The following PLB1 variants were observed in gnomAD, a reference collection of about 807,000 sequenced individuals.
PLB1 encodes phospholipase B1, membrane-associated.
In PLB1, 242 loss-of-function variants were observed where a neutral mutation model predicts 227.4. That is an observed-to-expected ratio of 1.06 (90% CI 0.96 to 1.18). PLB1 has a LOEUF of 1.18. Among genes scored for constraint, PLB1 ranks in the 50% most tolerant of loss-of-function variants. PLB1 has a pLI of 0.00. For missense variants in PLB1, 1,858 were observed against 1,816.3 expected (o/e 1.02, Z -0.42); for synonymous variants, 757 against 682.2 (o/e 1.11, Z -1.71).
chr2:28,605,794 C>G, intron 41 of PLB1, 59 bp from the exon 42 acceptor site: 1 of 1,426,904 alleles, frequency 7.0e-7, no homozygotes, highest in Non-Finnish European at 9.8e-7. Context: ...GCCAAGTCCG[C>G]TGGTGGTGGC....
In PLB1 at chr2:28,519,740, G is replaced by A. The variant is rs762327769; in HGVS notation, c.220G>A (p.Ala74Thr). Reference protein sequence around the residue: ...SLKPSDIKFVAAIGNLEIPPD... With the variant: ...SLKPSDIKFVTAIGNLEIPPD... ...GAAGCCTTCTGATATTAAATTTGTGGCAGCCATTGGCAATCTGGAAATTGT... is the reference window on the plus strand; with the variant it reads ...GAAGCCTTCTGATATTAAATTTGTGACAGCCATTGGCAATCTGGAAATTGT... The change falls in exon 4 of 58, where the codon GCA becomes ACA. Residue 74 changes from alanine to threonine, a missense_variant. Physicochemically the swap from Ala to Thr is moderately conservative, Grantham distance 58. Transcript: ENST00000327757. The A allele has an allele frequency of 1.2e-6, 2 of 1,611,934 alleles. No individual in the cohort carries two copies. The highest frequency in any genetic ancestry group is 1.1e-5 in the South Asian group (1 of 91,034).
At chr2:28,498,435 A>AT (rs1417333947) in intron 1 of PLB1, among the ~76,000 whole-genome samples, 1 of 152,040 alleles carries the variant, frequency 6.6e-6, no homozygotes, top group Non-Finnish European at 1.5e-5. Flanking sequence ...TAATTTTAGT[A>AT]TTTTTTGTAG....
chr2:28,552,466 T>A (rs769006001), intron 16 of PLB1, among the ~76,000 whole-genome samples: 26 of 152,256 alleles, frequency 1.7e-4, no homozygotes, highest in Non-Finnish European at 3.2e-4. Flanking sequence ...TAACAAATAC[T>A]TGTTGAGCAT....
intron 1 of PLB1, among the ~76,000 whole-genome samples, chr2:28,497,434 A>G (rs1338963682): frequency 2.0e-5 from 3 of 152,178 alleles, no homozygotes; most frequent in East Asian, 1.9e-4. Context: ...AAAAAGGGAA[A>G]TCTTCAGATC....
chr2:28,600,972 T>A, intron 36 of PLB1, 112 bp downstream of exon 36: 1 of 1,000,290 alleles, frequency 1.0e-6, no homozygotes, highest in Non-Finnish European at 1.5e-6. Flanking sequence ...ATTAGAGGCA[T>A]TCAAGCAGTG....
rs1553439706 is a variant in PLB1 at position 28,581,979 on chromosome 2, AAG to A, written c.1567-87_1567-86del. ...CTATCTCAAAAAAAGAAAAAAAAAA[AAG>A]AAGGGGACCCAAGAGAGAAAGTAGC... On this transcript the variant is annotated intron_variant, in intron 23 of 57. Coordinates refer to ENST00000327757, the MANE Select transcript of PLB1 (RefSeq NM_153021.5). 87 of 1,309,124 alleles carry A rather than the reference AAG, an allele frequency of 6.6e-5. No individual in the cohort carries two copies. The African/African-American group carries it at 7.1e-4, about 11-fold the overall frequency. The allele number at this position is 1,309,124 out of a possible 1,614,324, so 81.1% of individuals were successfully genotyped here.
rs1426879676 is a variant in PLB1 at position 28,579,648 on chromosome 2, T to C, written c.1507T>C (p.Trp503Arg). 1.2e-6 allele frequency: 2 copies of C among 1,612,980 alleles called. No homozygotes were observed. Among genetic ancestry groups the C allele is most frequent in the Non-Finnish European group, 8.5e-7 (1 of 1,179,030 alleles). ...NDTRIHFQED[W>R]KIITLFIGGN... Reference sequence around the variant, plus strand: ...TCAGAGGATACACTTTCAGGAAGACTGGAAGATAATAACCCTGTTTATAGG... The same window carrying C: ...TCAGAGGATACACTTTCAGGAAGACCGGAAGATAATAACCCTGTTTATAGG... Residue 503 changes from tryptophan (W) to arginine (R), a missense_variant, in exon 23 of 58, where the codon TGG (tryptophan) becomes CGG (arginine). By Grantham distance (101) the Trp-to-Arg change is moderately radical. Transcript: ENST00000327757.
At position 28,641,453 on chromosome 2, in the gene PLB1, C is replaced by T. The variant is rs571340470; in HGVS notation, c.4173+452C>T. On this transcript the variant is annotated intron_variant, in intron 57 of 57. Coordinates refer to ENST00000327757, the MANE Select transcript of PLB1 (RefSeq NM_153021.5). ...TGAAACCCCGTCTCTAGTAAAAATC[C>T]AAAAGTCAGCCGGGCATGGTGGCGG... Among the ~76,000 whole-genome samples, 5 of 152,242 alleles carry T rather than the reference C, an allele frequency of 3.3e-5. No individual in the cohort carries two copies. The East Asian group carries it at 5.8e-4, about 18-fold the overall frequency.
At chr2:28,625,131 C>T in intron 50 of PLB1, 23 bp downstream of exon 50, 1 of 1,606,458 alleles carries the variant, frequency 6.2e-7, no homozygotes, top group Non-Finnish European at 8.5e-7. Context: ...CCCCAGGCCA[C>T]CCCTGAAAGG....
intron 9 of PLB1, among the ~76,000 whole-genome samples, chr2:28,537,395 T>A (rs1336305520): frequency 1.3e-5 from 2 of 151,940 alleles, no homozygotes; most frequent in African/African-American, 4.8e-5. Context: ...TTTTTCACAT[T>A]GAAAAGGTAA....
At chr2:28,515,564 C>T (rs1295217400) in intron 1 of PLB1, among the ~76,000 whole-genome samples, 1 of 152,176 alleles carries the variant, frequency 6.6e-6, no homozygotes, top group African/African-American at 2.4e-5. Flanking sequence ...AAATCAGTGC[C>T]TGATCTCACA....
At chr2:28,548,662 G>A in intron 14 of PLB1, 198 bp from the exon 15 acceptor site, 1 of 644,004 alleles carries the variant, frequency 1.6e-6, no homozygotes, top group Non-Finnish European at 2.9e-6. Flanking sequence ...GAATCGCCTG[G>A]AGAGCTGCTT....
rs781324840 is a variant in PLB1 at position 28,620,871 on chromosome 2, C to T, written c.3428-8C>T. ...CTGTGCTCTTCTCCTCCTCCTCCTC[C>T]TCTAAAGACATTCTGAAGAAGTTCA... is the stretch of plus-strand genomic sequence containing the variant. On this transcript the variant is annotated splice_region_variant and splice_polypyrimidine_tract_variant and intron_variant, in intron 48 of 57. Coordinates refer to ENST00000327757, the MANE Select transcript of PLB1 (RefSeq NM_153021.5). 1.7e-5 allele frequency: 27 copies of T among 1,611,320 alleles called. No homozygotes were observed. Among genetic ancestry groups the T allele is most frequent in the Non-Finnish European group, 2.1e-5 (25 of 1,177,594 alleles).
At chr2:28,518,928 C>T (rs1572706782) in intron 3 of PLB1, among the ~76,000 whole-genome samples, 1 of 152,264 alleles carries the variant, frequency 6.6e-6, no homozygotes, top group East Asian at 1.9e-4. Flanking sequence ...CTGACTTTAT[C>T]ATATTGAGAG....
Position 28,630,171 on chromosome 2 carries a change from G to A in PLB1, c.3819-415G>A, listed in dbSNP as rs187306282. On this transcript the variant is annotated intron_variant, in intron 53 of 57. Transcript: ENST00000327757. ...AAGAGCTGAGAGGCCCCCGGAACTT[G>A]AGGAGCGATTCCAAACCCAGGGACA... is the stretch of plus-strand genomic sequence containing the variant. 3.3e-3 allele frequency among the ~76,000 whole-genome samples: 500 copies of A among 152,266 alleles called. 3 individuals carry two copies. The highest frequency in any genetic ancestry group is 0.011 in the African/African-American group (466 of 41,528).
At chr2:28,524,950 C>T (rs1670034365) in intron 4 of PLB1, among the ~76,000 whole-genome samples, 1 of 150,062 alleles carries the variant, frequency 6.7e-6, no homozygotes, top group Non-Finnish European at 1.5e-5. Context: ...TGGGTTCAAG[C>T]GATTCTCCTG....
At chr2:28,520,347 G>A (rs1423394364) in intron 4 of PLB1, among the ~76,000 whole-genome samples, 1 of 151,824 alleles carries the variant, frequency 6.6e-6, no homozygotes, top group African/African-American at 2.4e-5. Flanking sequence ...AGATCACACA[G>A]AATTTTAAAA....
chr2:28,533,807 G>A (rs577382680), intron 9 of PLB1, among the ~76,000 whole-genome samples: 2 of 152,106 alleles, frequency 1.3e-5, no homozygotes, highest in Non-Finnish European at 2.9e-5. Flanking sequence ...ATTCTTGCAT[G>A]CTTTCATGTA....
intron 53 of PLB1, 86 bp from the exon 54 acceptor site, chr2:28,630,500 C>T: frequency 8.2e-7 from 1 of 1,212,372 alleles, no homozygotes; most frequent in East Asian, 2.4e-5. Context: ...GGGTAGTGGC[C>T]TGCTCTGTGT....
Sources: allele counts gnomAD v4.1 joint callset (sites outside exome capture counted in the v4.1 genomes callset), GRCh38; gene constraint gnomAD v4.1.1; transcripts MANE v1.5; gene names NCBI Gene and HGNC (gene_info 2026-07-23, HGNC 2026-07-21).